The following RRM2 variants were observed in gnomAD, a reference collection of about 807,000 sequenced individuals.
RRM2 encodes ribonucleoside-diphosphate reductase subunit M2.
In RRM2, 6 loss-of-function variants were observed where a neutral mutation model predicts 45.9. The observed-to-expected ratio is 0.13, with a 90% confidence interval of 0.07 to 0.26. The LOEUF (loss-of-function observed/expected upper bound fraction) is 0.26. RRM2 is among the 10% of genes least tolerant of loss of function. The pLI is 1.00. For missense variants in RRM2, 343 were observed against 489.5 expected, an observed-to-expected ratio of 0.70 and a Z score of 2.82; for synonymous variants, 177 against 173.0, an observed-to-expected ratio of 1.02 and a Z score of -0.18.
At chr2:10,150,787 T>TTTTTC (rs1553324049) in intron 3 of RRM2, among the ~76,000 whole-genome samples, 8 of 148,062 alleles carry the variant, frequency 5.4e-5, no homozygotes, top group Non-Finnish European at 1.0e-4. Flanking sequence ...TTTTTTTTTT[T>TTTTTC]TTTGATGTGG....
At chr2:10,150,502 A>C (rs13009708) in intron 3 of RRM2, among the ~76,000 whole-genome samples, 1 of 146,846 alleles carries the variant, frequency 6.8e-6, no homozygotes, top group Non-Finnish European at 1.5e-5. Context: ...CCTTGTTACT[A>C]TGGGATGATT....
In RRM2 at chr2:10,205,585, G is replaced by A. The variant is rs558177240; in HGVS notation, n.483-4726G>A. ...ATGGAAAGGGAGAGAGATACCTTCCGTTTCAAGGAATATGCAGTTTGGATG... is the reference window on the plus strand; with the variant it reads ...ATGGAAAGGGAGAGAGATACCTTCCATTTCAAGGAATATGCAGTTTGGATG... On this transcript the variant is annotated intron_variant and non_coding_transcript_variant, in intron 3 of 3. Transcript: ENST00000381786. The surrounding 1 kb of genome is among the most constrained non-coding windows in gnomAD (Gnocchi z 4.8). 2.0e-3 allele frequency among the ~76,000 whole-genome samples: 307 copies of A among 152,332 alleles called. 7 individuals carry two copies. Among genetic ancestry groups the A allele is most frequent in the Non-Finnish European group, 2.2e-3 (147 of 68,030 alleles).
chr2:10,187,127 T>C (rs1469776913), intron 3 of RRM2, among the ~76,000 whole-genome samples: 6 of 152,228 alleles, frequency 3.9e-5, no homozygotes, highest in Non-Finnish European at 7.3e-5. Context: ...TGCTGGTCAC[T>C]GAGGGCTCTC....
At chr2:10,164,265 T>C (rs993797972) in intron 3 of RRM2, among the ~76,000 whole-genome samples, 13 of 152,236 alleles carry the variant, frequency 8.5e-5, no homozygotes, top group Non-Finnish European at 8.8e-5. Context: ...AGTCTGCATC[T>C]GGGCTCCACC....
chr2:10,143,547 G>A (rs1014427904), intron 3 of RRM2, among the ~76,000 whole-genome samples: 3 of 152,232 alleles, frequency 2.0e-5, no homozygotes, highest in East Asian at 1.9e-4. Flanking sequence ...TGAGTGACCC[G>A]CAGGGGAAGC....
rs1436382063 is a variant in RRM2, at chr2:10,143,806, T to C, written n.482+1431T>C. ...CCTCAGCCTCTCGAGTAGCTGGGAC[T>C]ACAGGTGTGCACCACCGTGTCCAGC... is the stretch of plus-strand genomic sequence containing the variant. On this transcript the variant is annotated intron_variant and non_coding_transcript_variant, in intron 3 of 3. Transcript: ENST00000381786. Among the ~76,000 whole-genome samples the C allele has an allele frequency of 6.6e-5, 10 of 152,322 alleles. No individual in the cohort carries two copies. The East Asian group carries it at 1.9e-3, about 29-fold the overall frequency.
rs555007993 is a variant in RRM2, at chr2:10,204,682, C to T, written n.483-5629C>T. On this transcript the variant is annotated intron_variant and non_coding_transcript_variant, in intron 3 of 3. Transcript: ENST00000381786. The surrounding 1 kb of genome is among the most constrained non-coding windows in gnomAD (Gnocchi z 4.0). ...TGATTCTGCCTGGCTTTTGTGAACACGTCTGCGCTGACTAATTTGTTTAAT... is the reference window on the plus strand; with the variant it reads ...TGATTCTGCCTGGCTTTTGTGAACATGTCTGCGCTGACTAATTTGTTTAAT... Among the ~76,000 whole-genome samples, 2 of 152,378 alleles carry T rather than the reference C, an allele frequency of 1.3e-5. No homozygotes were observed. The highest frequency in any genetic ancestry group is 2.4e-5 in the African/African-American group (1 of 41,592).
Position 10,172,825 on chromosome 2 carries a change from A to T in RRM2, n.482+30450A>T, listed in dbSNP as rs1411484780. ...CAAGATGGTGGCAGCAGAGCCTGAA[A>T]CCGAGCTCAGGGCCCATCTGAGCAG... On this transcript the variant is annotated intron_variant and non_coding_transcript_variant, in intron 3 of 3. Transcript: ENST00000381786. The surrounding 1 kb of genome is among the most constrained non-coding windows in gnomAD (Gnocchi z 4.9). 6.6e-6 allele frequency among the ~76,000 whole-genome samples: 1 copy of T among 152,156 alleles called. No individual in the cohort carries two copies. Among genetic ancestry groups the T allele is most frequent in the Non-Finnish European group, 1.5e-5 (1 of 68,024 alleles).
At chr2:10,162,158 G>T in intron 3 of RRM2, among the ~76,000 whole-genome samples, 1 of 152,218 alleles carries the variant, frequency 6.6e-6, no homozygotes, top group East Asian at 1.9e-4. Context: ...TGGGAAGAGA[G>T]GTGCCAAGAG....
chr2:10,140,566 C>T (rs1663062177), upstream of RRM2, among the ~76,000 whole-genome samples: 1 of 152,092 alleles, frequency 6.6e-6, no homozygotes. Flanking sequence ...GCTCAGAGAG[C>T]CGGTTATTAA....
intron 1 of RRM2, chr2:10,141,824 C>A: frequency 6.4e-7 from 1 of 1,551,824 alleles, no homozygotes; most frequent in South Asian, 1.2e-5. Context: ...AGCATGCAGT[C>A]ACTGAGCCCT....
In RRM2 at chr2:10,199,735, G is replaced by A. The variant is rs1363615133; in HGVS notation, n.483-10576G>A. On this transcript the variant is annotated intron_variant and non_coding_transcript_variant, in intron 3 of 3. Coordinates refer to the RRM2 transcript ENST00000381786. The stretch of plus-strand genomic sequence containing the variant: ...GTGGAGCTTGCAGTGAACTGAGATC[G>A]TGCCACTGCACTCCAGTCTGGGTGA... Among the ~76,000 whole-genome samples the A allele has an allele frequency of 2.3e-4, 28 of 122,648 alleles. No homozygotes were observed. The East Asian group carries it at 5.6e-3, about 25-fold the overall frequency. The allele number at this position is 122,648 out of a possible 152,430, so 80.5% of individuals were successfully genotyped here.
At chr2:10,144,878 G>A (rs1051186771) in intron 3 of RRM2, among the ~76,000 whole-genome samples, 3 of 152,148 alleles carry the variant, frequency 2.0e-5, no homozygotes, top group Non-Finnish European at 2.9e-5. Flanking sequence ...GGGGAAGGGC[G>A]GGGAGGCATG....
intron 3 of RRM2, among the ~76,000 whole-genome samples, chr2:10,190,402 ATGG>A (rs1277080633): frequency 1.7e-4 from 19 of 110,914 alleles, no homozygotes; most frequent in African/African-American, 6.4e-4. Context: ...GGTGGTGGTG[ATGG>A]TGGTGATGGG....
chr2:10,161,598 A>C (rs981179856), intron 3 of RRM2, among the ~76,000 whole-genome samples: 1 of 152,060 alleles, frequency 6.6e-6, no homozygotes. Context: ...CAACACAGCC[A>C]CACACACACA....
At chr2:10,186,317 T>C (rs2125327194) in intron 3 of RRM2, among the ~76,000 whole-genome samples, 1 of 151,622 alleles carries the variant, frequency 6.6e-6, no homozygotes, top group African/African-American at 2.4e-5. Flanking sequence ...CCAGCTAATT[T>C]TTTTTTTTTT....
At position 10,124,826 on chromosome 2, in the gene RRM2, C is replaced by CT; in HGVS notation, c.547dup (p.Tyr183LeufsTer16). On this transcript the variant is annotated frameshift_variant, in exon 5 of 10. Coordinates refer to ENST00000304567, the MANE Select transcript of RRM2 (RefSeq NM_001034.4). LOFTEE classifies it high-confidence loss of function. Reference sequence around the variant, plus strand: ...GAAATGTATAGTCTTCTTATTGACACTTACATAAAAGATCCCAAAGAAAGG... The same window carrying CT: ...GAAATGTATAGTCTTCTTATTGACACTTTACATAAAAGATCCCAAAGAAAGG... The CT allele has an allele frequency of 1.2e-6, 2 of 1,601,412 alleles. No homozygotes were observed. Among genetic ancestry groups the CT allele is most frequent in the Non-Finnish European group, 1.7e-6 (2 of 1,170,138 alleles).
intron 3 of RRM2, among the ~76,000 whole-genome samples, chr2:10,143,534 G>A (rs1280074940): frequency 6.6e-6 from 1 of 152,232 alleles, no homozygotes; most frequent in Non-Finnish European, 1.5e-5. Context: ...ATGAATGAGC[G>A]AGTGAGTGAC....
intron 3 of RRM2, among the ~76,000 whole-genome samples, chr2:10,165,557 A>C (rs1041353884): frequency 6.6e-6 from 1 of 152,258 alleles, no homozygotes; most frequent in African/African-American, 2.4e-5. Flanking sequence ...TCAGCTGGGC[A>C]AAAGGGAGAT....
Sources: gnomAD v4.1 joint callset for allele counts (sites outside exome capture counted in the v4.1 genomes callset) on GRCh38, gnomAD v4.1.1 for gene constraint, Gnocchi (gnomAD v3.1) non-coding constraint, MANE v1.5 for transcripts, NCBI Gene and HGNC (gene_info 2026-07-23, HGNC 2026-07-21) for gene names.